LYN: variants seen among roughly 807,000 people sequenced by gnomAD.
The protein encoded by LYN is tyrosine-protein kinase Lyn.
LYN carries 12 observed loss-of-function variants against 65.0 expected under a neutral mutation model. That is an observed-to-expected ratio of 0.18 (90% CI 0.12 to 0.30). LYN has a LOEUF of 0.30. Ranked by LOEUF, LYN falls within the 10% of genes least tolerant of loss-of-function variation. LYN has a pLI of 1.00. For synonymous variants in LYN, 222 were observed against 221.2 expected, an observed-to-expected ratio of 1.00 and a Z score of -0.03; for missense variants, 380 against 623.2, an observed-to-expected ratio of 0.61 and a Z score of 4.16.
chr8:56,000,511 G>A (rs756238523), intron 12 of LYN, among the ~76,000 whole-genome samples: 1 of 151,682 alleles, frequency 6.6e-6, no homozygotes, highest in African/African-American at 2.4e-5. Context: ...GGTGAATCAC[G>A]AGGTCAGGAG....
intron 7 of LYN, among the ~76,000 whole-genome samples, chr8:55,952,964 T>G (rs1004683652): frequency 1.3e-5 from 2 of 151,970 alleles, no homozygotes; most frequent in African/African-American, 4.8e-5. Flanking sequence ...GTCAGTTGAG[T>G]GGTTGTTGCC....
At chr8:55,880,949 T>A (rs543246729) in intron 1 of LYN, among the ~76,000 whole-genome samples, 1 of 152,294 alleles carries the variant, frequency 6.6e-6, no homozygotes, top group Admixed American at 6.5e-5. Flanking sequence ...TATATCCGAG[T>A]GTGTTAATTA....
At chr8:55,882,385 C>A (rs924791324) in intron 1 of LYN, among the ~76,000 whole-genome samples, 3 of 152,262 alleles carry the variant, frequency 2.0e-5, no homozygotes, top group African/African-American at 7.2e-5. Flanking sequence ...GATAAATCAC[C>A]AAAAACATCT....
In LYN at chr8:56,010,220, C is replaced by A; in HGVS notation, c.*110C>A. 1.8e-6 allele frequency: 2 copies of A among 1,103,952 alleles called. No individual in the cohort carries two copies. The highest frequency in any genetic ancestry group is 2.7e-6 in the Non-Finnish European group (2 of 752,432). 68.4% of individuals were successfully genotyped at this position (1,103,952 alleles called of 1,614,324 possible). A position where few individuals can be genotyped will look rare whatever the true frequency, so the allele number is the denominator to read the frequency against. On this transcript the variant is annotated 3_prime_UTR_variant, in exon 13 of 13. Transcript: ENST00000519728. Reference sequence around the variant, plus strand: ...TCATGTGCGGGGATCATCTGCCGTGCCTGGATCCTGAAATAGAGGCTAAAT... The same window carrying A: ...TCATGTGCGGGGATCATCTGCCGTGACTGGATCCTGAAATAGAGGCTAAAT...
At chr8:55,927,374 T>G (rs1222779336) in intron 1 of LYN, among the ~76,000 whole-genome samples, 2 of 152,204 alleles carry the variant, frequency 1.3e-5, no homozygotes, top group African/African-American at 4.8e-5. Flanking sequence ...TTCTTTCACT[T>G]AGTAATATGC....
chr8:55,947,542 CT>C, intron 3 of LYN, 75 bp from the exon 4 acceptor site: 2 of 1,024,568 alleles, frequency 2.0e-6, no homozygotes, highest in South Asian at 1.3e-5. Context: ...TCCTCTCATC[CT>C]TTGTGCCCCA....
intron 1 of LYN, among the ~76,000 whole-genome samples, chr8:55,897,354 C>A (rs1169086437): frequency 2.0e-5 from 3 of 152,126 alleles, no homozygotes; most frequent in Non-Finnish European, 4.4e-5. Flanking sequence ...AAGCTACATG[C>A]TTCTGGAAGT....
In LYN at chr8:56,009,952, A is replaced by C. The variant is rs1397358552; in HGVS notation, c.1381A>C (p.Arg461=). The C allele has an allele frequency of 1.2e-6, 2 of 1,613,918 alleles. No individual in the cohort carries two copies. Among genetic ancestry groups the C allele is most frequent in the Admixed American group, 1.7e-5 (1 of 60,002 alleles). ...DVMTALSQGY[R]MPRVENCPDE... is the part of the protein sequence containing the mutation. Reference sequence around the variant, plus strand: ...GATGACCGCCCTGTCCCAGGGCTACAGGATGCCCCGTGTGGAGAACTGCCC... The same window carrying C: ...GATGACCGCCCTGTCCCAGGGCTACCGGATGCCCCGTGTGGAGAACTGCCC... The change falls in exon 13 of 13, where the codon AGG becomes CGG. Residue 461 remains arginine, a synonymous_variant. Coordinates refer to ENST00000519728, the MANE Select transcript of LYN (RefSeq NM_002350.4).
intron 1 of LYN, among the ~76,000 whole-genome samples, chr8:55,880,957 T>G (rs1274780811): frequency 6.6e-6 from 1 of 152,202 alleles, no homozygotes; most frequent in African/African-American, 2.4e-5. Context: ...AGTGTGTTAA[T>G]TATCCCAAAT....
intron 1 of LYN, among the ~76,000 whole-genome samples, chr8:55,930,382 A>G (rs946462845): frequency 1.4e-4 from 21 of 152,306 alleles, no homozygotes; most frequent in African/African-American, 4.6e-4. Flanking sequence ...TAAATACACT[A>G]TTATATGTAT....
chr8:56,003,489 A>G (rs1242732097), intron 12 of LYN, among the ~76,000 whole-genome samples: 3 of 150,632 alleles, frequency 2.0e-5, no homozygotes, highest in African/African-American at 7.3e-5. Flanking sequence ...ACATGGCCAA[A>G]CCCTGTCTCT....
chr8:55,941,608 G>A (rs778652763), intron 1 of LYN, among the ~76,000 whole-genome samples: 1 of 152,138 alleles, frequency 6.6e-6, no homozygotes, highest in Admixed American at 6.5e-5. Flanking sequence ...TTTGCCACAA[G>A]AATACGAGCA....
intron 12 of LYN, among the ~76,000 whole-genome samples, chr8:56,004,788 C>G (rs1163637481): frequency 2.0e-5 from 3 of 151,950 alleles, no homozygotes; most frequent in Admixed American, 6.6e-5. Flanking sequence ...TTTTATTTTT[C>G]ATTTATTTAT....
intron 1 of LYN, among the ~76,000 whole-genome samples, chr8:55,911,190 CACACACACAT>C (rs1805615440): frequency 8.6e-5 from 1 of 11,570 alleles, no homozygotes; most frequent in Non-Finnish European, 2.4e-4. Context: ...TATATATATA[CACACACACAT>C]ATATATATAC....
intron 12 of LYN, among the ~76,000 whole-genome samples, chr8:56,008,125 A>AAAATAAAAT (rs1554519959): frequency 7.5e-5 from 10 of 133,608 alleles, no homozygotes; most frequent in African/African-American, 3.0e-4. Flanking sequence ...CCTCAAAAAA[A>AAAATAAAAT]AAATAAAATA....
chr8:55,998,235 A>C, intron 10 of LYN, 111 bp from the exon 11 acceptor site: 1 of 766,848 alleles, frequency 1.3e-6, no homozygotes, highest in East Asian at 2.7e-5. Context: ...AATGATCAAA[A>C]TAGTATACAT....
At chr8:55,997,020 G>C (rs977085114) in intron 10 of LYN, among the ~76,000 whole-genome samples, 3 of 152,076 alleles carry the variant, frequency 2.0e-5, no homozygotes, top group Non-Finnish European at 4.4e-5. Context: ...AATTCGCCAG[G>C]CATGGTGGTG....
chr8:55,908,873 T>A (rs2130398876), intron 1 of LYN, among the ~76,000 whole-genome samples: 1 of 151,828 alleles, frequency 6.6e-6, no homozygotes, highest in African/African-American at 2.4e-5. Context: ...TTACTTAAGA[T>A]AATGGCCTCC....
At chr8:55,965,764 A>G (rs946679920) in intron 8 of LYN, among the ~76,000 whole-genome samples, 1 of 152,202 alleles carries the variant, frequency 6.6e-6, no homozygotes, top group Non-Finnish European at 1.5e-5. Context: ...AAGGGATTAT[A>G]GCATATATAG....
Sources: allele counts gnomAD v4.1 joint callset (sites outside exome capture counted in the v4.1 genomes callset), GRCh38; gene constraint gnomAD v4.1.1; transcripts MANE v1.5; gene names NCBI Gene and HGNC (gene_info 2026-07-23, HGNC 2026-07-21).